INPP5A: variants seen among roughly 807,000 people sequenced by gnomAD.
INPP5A encodes the protein inositol polyphosphate-5-phosphatase A.
Under a neutral mutation model 65.2 loss-of-function variants are expected in INPP5A, and 14 were observed. The ratio of observed to expected loss-of-function variants is 0.21; its 90% confidence interval spans 0.14 to 0.34. The LOEUF (loss-of-function observed/expected upper bound fraction) is 0.34. Ranked by LOEUF, INPP5A falls within the 10% of genes least tolerant of loss-of-function variation. INPP5A has a pLI of 1.00. For synonymous variants in INPP5A, 207 were observed against 208.3 expected (o/e 0.99, Z 0.05); for missense variants, 431 against 545.6 (o/e 0.79, Z 2.09).
In INPP5A at chr10:132,545,714, G is replaced by A. The variant is rs879432724; in HGVS notation, c.75+7543G>A. ...GGGATACTTGGGAATCTCAGAGCCCGGTGGGAACCAGGAACTGAGCTCAGA... is the reference window on the plus strand; with the variant it reads ...GGGATACTTGGGAATCTCAGAGCCCAGTGGGAACCAGGAACTGAGCTCAGA... On this transcript the variant is annotated intron_variant, in intron 1 of 15. Transcript: ENST00000368594. This position sits in a 1 kb window ranked among gnomAD's most constrained non-coding sequence, Gnocchi z 4.6. Among the ~76,000 whole-genome samples the A allele has an allele frequency of 6.6e-6, 1 of 152,202 alleles. No individual in the cohort carries two copies. Among genetic ancestry groups the A allele is most frequent in the Non-Finnish European group, 1.5e-5 (1 of 68,024 alleles).
At chr10:132,628,295 C>T (rs1005928930) in intron 2 of INPP5A, among the ~76,000 whole-genome samples, 2 of 151,704 alleles carry the variant, frequency 1.3e-5, no homozygotes, top group African/African-American at 4.9e-5. Flanking sequence ...CTCACCGTGC[C>T]CCGCTTCCTC....
chr10:132,672,913 T>A (rs1405573600), intron 4 of INPP5A, among the ~76,000 whole-genome samples: 1 of 152,200 alleles, frequency 6.6e-6, no homozygotes, highest in Non-Finnish European at 1.5e-5. Context: ...GTTTTTTTCC[T>A]GGTGGAATGT....
chr10:132,694,874 A>G (rs1845320889), intron 5 of INPP5A, among the ~76,000 whole-genome samples: 1 of 152,258 alleles, frequency 6.6e-6, no homozygotes. Context: ...ATAGCTATTA[A>G]CAACACTGAA....
Position 132,547,621 on chromosome 10 carries a change from G to T in INPP5A, c.75+9450G>T, listed in dbSNP as rs953160033. On this transcript the variant is annotated intron_variant, in intron 1 of 15. Transcript: ENST00000368594. This position sits in a 1 kb window ranked among gnomAD's most constrained non-coding sequence, Gnocchi z 5.5. ...CCATCTCCTCCTTCTCTACCCAAGC[G>T]CCCGTGGCCTGAACAGGACTTGGTT... is the stretch of plus-strand genomic sequence containing the variant. Among the ~76,000 whole-genome samples, 2 of 152,150 alleles carry T rather than the reference G, an allele frequency of 1.3e-5. No homozygotes were observed. The highest frequency in any genetic ancestry group is 6.5e-5 in the Admixed American group (1 of 15,284).
rs2134607859 is a variant in INPP5A at position 132,736,938 on chromosome 10, A to G, written c.732+10033A>G. 1.3e-5 allele frequency among the ~76,000 whole-genome samples: 2 copies of G among 152,342 alleles called. 1 individual carries two copies. Among genetic ancestry groups the G allele is most frequent in the East Asian group, 3.9e-4 (2 of 5,178 alleles). On this transcript the variant is annotated intron_variant, in intron 9 of 15. Coordinates refer to ENST00000368594, the MANE Select transcript of INPP5A (RefSeq NM_005539.5). ...GAGCCCCTCTGCCCCCTGATCCCTC[A>G]GCCGTGGGCACAGTGGGCGCCGTGA...
chr10:132,738,127 C>T (rs1846209772), intron 9 of INPP5A, among the ~76,000 whole-genome samples: 1 of 152,198 alleles, frequency 6.6e-6, no homozygotes, highest in African/African-American at 2.4e-5. Context: ...GTTCACTAAT[C>T]TTTAATGCAC....
At chr10:132,604,600 A>G (rs2071821825) in intron 1 of INPP5A, among the ~76,000 whole-genome samples, 1 of 152,172 alleles carries the variant, frequency 6.6e-6, no homozygotes, top group African/African-American at 2.4e-5. Flanking sequence ...TGTCATATCA[A>G]TTCCTCAAGC....
intron 2 of INPP5A, among the ~76,000 whole-genome samples, chr10:132,623,006 A>G (rs2072127950): frequency 6.6e-6 from 1 of 151,512 alleles, no homozygotes; most frequent in African/African-American, 2.4e-5. Context: ...GAACTTGAGA[A>G]ATATACCGTC....
intron 2 of INPP5A, among the ~76,000 whole-genome samples, chr10:132,625,351 A>T (rs2072169490): frequency 6.6e-6 from 1 of 151,680 alleles, no homozygotes; most frequent in South Asian, 2.1e-4. Context: ...GAATTACTGT[A>T]TGATTTCCCA....
Position 132,753,743 on chromosome 10 carries a change from T to C in INPP5A, c.903+3898T>C, listed in dbSNP as rs1846539208. The stretch of plus-strand genomic sequence containing the variant: ...AGCAACCGCTGTAGCCCCAGGTGCA[T>C]TGATTTTCTGGGCCTCTTTCCTTTA... On this transcript the variant is annotated intron_variant, in intron 11 of 15. Transcript: ENST00000368594. This position sits in a 1 kb window ranked among gnomAD's most constrained non-coding sequence, Gnocchi z 5.3. 1 of 152,082 alleles carries C rather than the reference T, an allele frequency of 6.6e-6. No individual in the cohort carries two copies. Among genetic ancestry groups the C allele is most frequent in the African/African-American group, 2.4e-5 (1 of 41,394 alleles). 9.4% of individuals were successfully genotyped at this position (152,082 alleles called of 1,614,324 possible). A position where few individuals can be genotyped will look rare whatever the true frequency, so the allele number is the denominator to read the frequency against.
At chr10:132,720,894 G>T (rs1172220432) in intron 8 of INPP5A, among the ~76,000 whole-genome samples, 1 of 151,020 alleles carries the variant, frequency 6.6e-6, no homozygotes, top group Non-Finnish European at 1.5e-5. Context: ...GGTTCTGTCT[G>T]GGCGCCTTAG....
intron 2 of INPP5A, among the ~76,000 whole-genome samples, chr10:132,614,822 T>C (rs57702704): frequency 0.027 from 4,156 of 152,308 alleles, 81 homozygotes; most frequent in African/African-American, 0.046. Flanking sequence ...GAGGCCTGAG[T>C]GCTGCCTCAC....
rs186871360 is a variant in INPP5A, at chr10:132,778,763, C to T, written c.1089+981C>T. On this transcript the variant is annotated intron_variant, in intron 13 of 15. Coordinates refer to ENST00000368594, the MANE Select transcript of INPP5A (RefSeq NM_005539.5). ...AGCAGGGACAGGAGCCCCCTACTAA[C>T]CCCGACTTCAACACCAGCTGTGTGA... Among the ~76,000 whole-genome samples, 275 of 152,276 alleles carry T rather than the reference C, an allele frequency of 1.8e-3. 3 individuals are homozygous for T. The highest frequency in any genetic ancestry group is 5.8e-3 in the African/African-American group (243 of 41,550).
In INPP5A at chr10:132,705,114, C is replaced by T. The variant is rs1402015151; in HGVS notation, c.475-3199C>T. On this transcript the variant is annotated intron_variant, in intron 6 of 15. Transcript: ENST00000368594. The surrounding 1 kb of genome is among the most constrained non-coding windows in gnomAD (Gnocchi z 4.9). Reference sequence around the variant, plus strand: ...GTCCCAGCTGCACCGTTGGTGGGAGCATGGAGCCCGCTGTGGGGCATCAGC... The same window carrying T: ...GTCCCAGCTGCACCGTTGGTGGGAGTATGGAGCCCGCTGTGGGGCATCAGC... Among the ~76,000 whole-genome samples the T allele has an allele frequency of 6.6e-6, 1 of 152,170 alleles. No individual in the cohort carries two copies.
intron 9 of INPP5A, among the ~76,000 whole-genome samples, chr10:132,734,191 G>A (rs1171181830): frequency 2.6e-5 from 4 of 152,172 alleles, no homozygotes; most frequent in African/African-American, 9.7e-5. Context: ...CTATGCTCTC[G>A]TGTGACGCAG....
At chr10:132,597,522 AATT>A in intron 1 of INPP5A, among the ~76,000 whole-genome samples, 1 of 152,386 alleles carries the variant, frequency 6.6e-6, no homozygotes, top group East Asian at 1.9e-4. Flanking sequence ...AATTTTAAGA[AATT>A]ATATAATTTC....
intron 7 of INPP5A, 108 bp downstream of exon 7, chr10:132,708,473 A>C (rs1283634662): frequency 1.8e-6 from 2 of 1,127,542 alleles, no homozygotes; most frequent in Non-Finnish European, 2.7e-6. Flanking sequence ...CTGATTTTGC[A>C]TGAGGACCCC....
rs1049477412 is a variant in INPP5A, at chr10:132,769,685, G to A, written c.977+3839G>A. ...CAGCCCTTAGTGGTGAGCAGAGGCG[G>A]CGATGGGCTTTCTTCACCCAGCATT... On this transcript the variant is annotated intron_variant, in intron 12 of 15. Coordinates refer to ENST00000368594, the MANE Select transcript of INPP5A (RefSeq NM_005539.5). Among the ~76,000 whole-genome samples the A allele has an allele frequency of 1.4e-4, 21 of 152,178 alleles. 1 individual carries two copies. Among genetic ancestry groups the A allele is most frequent in the African/African-American group, 5.1e-4 (21 of 41,440 alleles).
At chr10:132,649,306 C>G (rs917791577) in intron 3 of INPP5A, among the ~76,000 whole-genome samples, 5 of 152,188 alleles carry the variant, frequency 3.3e-5, no homozygotes, top group African/African-American at 1.2e-4. Flanking sequence ...ATGACTGTTC[C>G]CAGTTGCTTT....
Sources: allele counts gnomAD v4.1 joint callset (sites outside exome capture counted in the v4.1 genomes callset), GRCh38; gene constraint gnomAD v4.1.1; non-coding constraint Gnocchi (gnomAD v3.1); transcripts MANE v1.5; gene names NCBI Gene and HGNC (gene_info 2026-07-23, HGNC 2026-07-21).